Variants in CTNNA3 observed in about 807,000 individuals in gnomAD.
CTNNA3 encodes the protein catenin alpha-3.
A neutral mutation model predicts 95.7 loss-of-function variants in CTNNA3; 76 were observed. The ratio of observed to expected loss-of-function variants is 0.79; its 90% CI spans 0.66 to 0.96. The LOEUF is 0.96. Ranked by LOEUF, CTNNA3 falls within the 40% of genes least tolerant of loss-of-function variation. CTNNA3 has a pLI of 0.00. For synonymous variants in CTNNA3, 431 were observed against 374.4 expected, an observed-to-expected ratio of 1.15 and a Z score of -1.74; for missense variants, 1,191 against 1,089.8, an observed-to-expected ratio of 1.09 and a Z score of -1.31.
At chr10:67,415,807 C>A (rs781246057) in intron 5 of CTNNA3, among the ~76,000 whole-genome samples, 3 of 151,922 alleles carry the variant, frequency 2.0e-5, no homozygotes, top group Non-Finnish European at 4.4e-5. Flanking sequence ...AAACATAGAC[C>A]AATTGAACAG....
At chr10:66,564,144 T>C (rs1842635873) in intron 10 of CTNNA3, among the ~76,000 whole-genome samples, 2 of 152,142 alleles carry the variant, frequency 1.3e-5, no homozygotes, top group African/African-American at 4.8e-5. Context: ...CTCTCCTTTA[T>C]AGGAATAATC....
chr10:67,158,899 C>T (rs1388083494), intron 7 of CTNNA3, among the ~76,000 whole-genome samples: 1 of 151,176 alleles, frequency 6.6e-6, no homozygotes, highest in African/African-American at 2.4e-5. Context: ...GTGAGAGCCT[C>T]AAAGGGGGGA....
chr10:66,120,901 G>A (rs993709123), intron 13 of CTNNA3, among the ~76,000 whole-genome samples: 12 of 152,214 alleles, frequency 7.9e-5, no homozygotes, highest in African/African-American at 2.9e-4. Context: ...AGAATGGGAA[G>A]ATTGTGCACT....
chr10:67,412,279 T>G (rs1209097050), intron 5 of CTNNA3, among the ~76,000 whole-genome samples: 1 of 152,164 alleles, frequency 6.6e-6, no homozygotes, highest in African/African-American at 2.4e-5. Context: ...TCTTGTTTCA[T>G]GCATTCATTA....
At chr10:66,223,648 A>C (rs374300525) in intron 13 of CTNNA3, among the ~76,000 whole-genome samples, 2 of 152,214 alleles carry the variant, frequency 1.3e-5, no homozygotes, top group Non-Finnish European at 2.9e-5. Context: ...TACAAGTATA[A>C]GTTACCCAGC....
At chr10:67,413,982 A>G (rs896255287) in intron 5 of CTNNA3, among the ~76,000 whole-genome samples, 1 of 152,150 alleles carries the variant, frequency 6.6e-6, no homozygotes, top group Non-Finnish European at 1.5e-5. Flanking sequence ...TCAAGAAGTT[A>G]GAAAGGTCTC....
intron 3 of CTNNA3, among the ~76,000 whole-genome samples, chr10:67,568,140 C>T (rs1841868828): frequency 6.6e-6 from 1 of 151,772 alleles, no homozygotes; most frequent in South Asian, 2.1e-4. Flanking sequence ...ATGTGCATAA[C>T]ATATGTACTT....
At chr10:67,578,833 T>TA (rs1366021576) in intron 3 of CTNNA3, among the ~76,000 whole-genome samples, 144 of 151,826 alleles carry the variant, frequency 9.5e-4, no homozygotes, top group African/African-American at 3.4e-3. Context: ...TGAGAGTTTG[T>TA]ATCATGATGG....
At chr10:66,298,258 C>A (rs376065508) in intron 12 of CTNNA3, among the ~76,000 whole-genome samples, 1 of 152,046 alleles carries the variant, frequency 6.6e-6, no homozygotes, top group East Asian at 1.9e-4. Context: ...TGAACACATA[C>A]CATAACTTAG....
chr10:66,286,947 AAT>A (rs1453173800), intron 12 of CTNNA3, among the ~76,000 whole-genome samples: 1 of 152,010 alleles, frequency 6.6e-6, no homozygotes, highest in African/African-American at 2.4e-5. Context: ...ATTGATACAT[AAT>A]AGATGTACAT....
At chr10:66,352,203 C>T (rs1249244450) in intron 12 of CTNNA3, among the ~76,000 whole-genome samples, 1 of 151,988 alleles carries the variant, frequency 6.6e-6, no homozygotes, top group African/African-American at 2.4e-5. Context: ...GGTAACAAGG[C>T]CCCAGCAGTC....
chr10:66,170,357 A>C (rs1057372317), intron 13 of CTNNA3, among the ~76,000 whole-genome samples: 1 of 151,046 alleles, frequency 6.6e-6, no homozygotes, highest in African/African-American at 2.4e-5. Context: ...TTATTTCCAC[A>C]AATTCATAAA....
At chr10:66,429,071 T>A (rs898667552) in intron 11 of CTNNA3, among the ~76,000 whole-genome samples, 6 of 151,882 alleles carry the variant, frequency 4.0e-5, no homozygotes, top group African/African-American at 1.5e-4. Flanking sequence ...ATAAAGGGGA[T>A]ATCACCACCG....
intron 11 of CTNNA3, among the ~76,000 whole-genome samples, chr10:66,434,591 A>T (rs1211964642): frequency 6.6e-6 from 1 of 152,146 alleles, no homozygotes; most frequent in Non-Finnish European, 1.5e-5. Context: ...TCATCTGCAA[A>T]CAGAGACAAT....
intron 7 of CTNNA3, among the ~76,000 whole-genome samples, chr10:67,105,946 T>C (rs942230832): frequency 1.3e-5 from 2 of 152,208 alleles, no homozygotes; most frequent in Non-Finnish European, 2.9e-5. Flanking sequence ...GTTCAGTGTA[T>C]TGGACATCCT....
At chr10:66,627,501 T>A (rs150794767) in intron 9 of CTNNA3, among the ~76,000 whole-genome samples, 65 of 152,306 alleles carry the variant, frequency 4.3e-4, no homozygotes, top group Middle Eastern at 6.8e-3. Context: ...AAGCCAAATT[T>A]ATTTTCCTTT....
At chr10:67,015,695 C>T (rs1589606187) in intron 7 of CTNNA3, among the ~76,000 whole-genome samples, 1 of 152,128 alleles carries the variant, frequency 6.6e-6, no homozygotes, top group Non-Finnish European at 1.5e-5. Context: ...AGATTCAAAT[C>T]TTTGTAACAA....
intron 6 of CTNNA3, among the ~76,000 whole-genome samples, chr10:67,185,077 T>C (rs1365039165): frequency 1.3e-5 from 2 of 152,120 alleles, no homozygotes; most frequent in African/African-American, 4.8e-5. Flanking sequence ...CTTAAAAGCA[T>C]GCAGGAGAAT....
intron 11 of CTNNA3, among the ~76,000 whole-genome samples, chr10:66,398,441 G>A (rs1385167779): frequency 6.7e-6 from 1 of 150,174 alleles, no homozygotes; most frequent in Non-Finnish European, 1.5e-5. Flanking sequence ...TGTATCTATG[G>A]TATTGTATTT....
Sources: gnomAD v4.1 joint callset for allele counts (sites outside exome capture counted in the v4.1 genomes callset) on GRCh38, gnomAD v4.1.1 for gene constraint, MANE v1.5 for transcripts, NCBI Gene and HGNC (gene_info 2026-07-23, HGNC 2026-07-21) for gene names.